The following RIMS1 variants were observed in gnomAD, a reference collection of about 807,000 sequenced individuals.
RIMS1 encodes regulating synaptic membrane exocytosis protein 1.
In RIMS1, 83 loss-of-function variants were observed where a neutral mutation model predicts 214.1. That is an observed-to-expected ratio of 0.39 (90% confidence interval 0.32 to 0.47). The LOEUF (loss-of-function observed/expected upper bound fraction) is 0.47, where lower values mean the gene tolerates loss of function less well. Ranked by LOEUF, RIMS1 falls within the 20% of genes least tolerant of loss-of-function variation. The pLI, the probability that RIMS1 is intolerant of heterozygous loss-of-function variation, is 0.99. For synonymous variants in RIMS1, 793 were observed against 786.8 expected (o/e 1.01, Z -0.13); for missense variants, 2,050 against 2,161.8 (o/e 0.95, Z 1.03).
intron 1 of RIMS1, among the ~76,000 whole-genome samples, chr6:71,890,183 A>T (rs1769187990): frequency 6.6e-6 from 1 of 152,144 alleles, no homozygotes; most frequent in Non-Finnish European, 1.5e-5. Flanking sequence ...AATGGAAAAA[A>T]ATCAAGCTAC....
At chr6:72,019,827 G>A (rs1320953411) in intron 2 of RIMS1, among the ~76,000 whole-genome samples, 1 of 152,058 alleles carries the variant, frequency 6.6e-6, no homozygotes, top group Non-Finnish European at 1.5e-5. Context: ...GTTAATTGTA[G>A]TTTTTTTCCC....
At chr6:72,077,044 C>T (rs1018838759) in intron 2 of RIMS1, among the ~76,000 whole-genome samples, 1 of 152,192 alleles carries the variant, frequency 6.6e-6, no homozygotes, top group African/African-American at 2.4e-5. Context: ...CTCCACTCTG[C>T]CTCGTCTGCC....
intron 1 of RIMS1, among the ~76,000 whole-genome samples, chr6:71,892,539 T>C (rs934866438): frequency 1.3e-5 from 2 of 152,084 alleles, no homozygotes; most frequent in African/African-American, 4.8e-5. Context: ...TGGCCCCAGG[T>C]GACTCTCTAA....
intron 1 of RIMS1, among the ~76,000 whole-genome samples, chr6:71,941,746 G>A (rs141826948): frequency 2.0e-5 from 3 of 152,230 alleles, no homozygotes; most frequent in Non-Finnish European, 4.4e-5. Context: ...AACTTGGCTT[G>A]AATTGTCTGC....
intron 4 of RIMS1, among the ~76,000 whole-genome samples, chr6:72,178,561 T>G (rs9446589): frequency 0.074 from 11,331 of 152,204 alleles, 478 homozygotes; most frequent in Middle Eastern, 0.11. Context: ...GGAGGTAGTT[T>G]CTGAAGTAGA....
chr6:72,037,942 C>A (rs1314698664), intron 2 of RIMS1, among the ~76,000 whole-genome samples: 1 of 150,674 alleles, frequency 6.6e-6, no homozygotes, highest in Non-Finnish European at 1.5e-5. Flanking sequence ...TGAACTGCAC[C>A]TCGAGTTGCT....
At chr6:72,076,352 A>G (rs1831867155) in intron 2 of RIMS1, among the ~76,000 whole-genome samples, 1 of 152,228 alleles carries the variant, frequency 6.6e-6, no homozygotes, top group South Asian at 2.1e-4. Context: ...GCCAAGGGCC[A>G]TCTTCCTGGC....
chr6:72,347,355 G>A (rs541326769), intron 29 of RIMS1, among the ~76,000 whole-genome samples: 1 of 146,234 alleles, frequency 6.8e-6, no homozygotes, highest in African/African-American at 2.4e-5. Context: ...TGGAATGAAA[G>A]AAACTTTTGG....
chr6:72,378,501 ATG>A (rs2098429759), intron 29 of RIMS1, among the ~76,000 whole-genome samples: 1 of 152,182 alleles, frequency 6.6e-6, no homozygotes, highest in South Asian at 2.1e-4. Context: ...AACTTCATAC[ATG>A]TGTGTTTGTT....
chr6:72,386,109 G>A (rs550319500), intron 29 of RIMS1, among the ~76,000 whole-genome samples: 6 of 152,056 alleles, frequency 3.9e-5, no homozygotes, highest in South Asian at 2.1e-4. Context: ...CCTTTACACC[G>A]TGGAAGCTAT....
intron 2 of RIMS1, among the ~76,000 whole-genome samples, 198 bp downstream of exon 2, chr6:71,969,261 A>G (rs965979472): frequency 2.6e-5 from 4 of 152,228 alleles, no homozygotes; most frequent in Admixed American, 2.6e-4. Flanking sequence ...CTAATACCAT[A>G]TTGAAAGGAT....
chr6:72,090,145 A>G (rs1432458150), intron 2 of RIMS1, among the ~76,000 whole-genome samples: 1 of 152,046 alleles, frequency 6.6e-6, no homozygotes, highest in East Asian at 1.9e-4. Context: ...CATTGTGCAC[A>G]TGTACCCTAA....
Position 72,265,384 on chromosome 6 carries a change from G to A in RIMS1, c.3195-6G>A. ...TTTTATTTTTGTGTAATTTTAATTT[G>A]TGGAGCTCAATTCTGCCTGCACATA... On this transcript the variant is annotated splice_region_variant and splice_polypyrimidine_tract_variant and intron_variant, in intron 20 of 33. Coordinates refer to ENST00000521978, the MANE Select transcript of RIMS1 (RefSeq NM_014989.7). The A allele has an allele frequency of 1.4e-6, 2 of 1,458,002 alleles. No homozygotes were observed. The highest frequency in any genetic ancestry group is 1.9e-6 in the Non-Finnish European group (2 of 1,052,016). 90.3% of individuals were successfully genotyped at this position (1,458,002 alleles called of 1,614,324 possible). A position where few individuals can be genotyped will look rare whatever the true frequency, so the allele number is the denominator to read the frequency against.
At chr6:72,326,731 T>C (rs2096484468) in intron 28 of RIMS1, among the ~76,000 whole-genome samples, 1 of 151,766 alleles carries the variant, frequency 6.6e-6, no homozygotes, top group Non-Finnish European at 1.5e-5. Flanking sequence ...GGTTCCTATA[T>C]CATAATCCTC....
intron 4 of RIMS1, among the ~76,000 whole-genome samples, chr6:72,134,729 C>A (rs982031871): frequency 3.9e-5 from 6 of 152,180 alleles, no homozygotes; most frequent in African/African-American, 1.4e-4. Context: ...TTGACTGTCA[C>A]ATTTGATAGT....
rs1449815173 is a variant in RIMS1, at chr6:72,402,542, A to T, written c.*1828A>T. The T allele has an allele frequency of 6.6e-6, 1 of 152,584 alleles. No homozygotes were observed. The highest frequency in any genetic ancestry group is 2.4e-5 in the African/African-American group (1 of 41,434). The allele number at this position is 152,584 out of a possible 1,614,324, so 9.5% of individuals were successfully genotyped here. A position where few individuals can be genotyped will look rare whatever the true frequency, so the allele number is the denominator to read the frequency against. On this transcript the variant is annotated 3_prime_UTR_variant, in exon 34 of 34. Transcript: ENST00000521978. ...ACTGCCTGCACCAAGTGAATTATTT[A>T]TTATTATTTACACATGCCAGAATTA... is the stretch of plus-strand genomic sequence containing the variant.
chr6:71,894,041 T>A (rs1770826095), intron 1 of RIMS1, among the ~76,000 whole-genome samples: 1 of 152,186 alleles, frequency 6.6e-6, no homozygotes, highest in Admixed American at 6.5e-5. Flanking sequence ...CTTCAGAAAA[T>A]CAAGCAATTA....
intron 2 of RIMS1, among the ~76,000 whole-genome samples, chr6:71,982,803 T>G (rs756059585): frequency 7.9e-5 from 12 of 152,160 alleles, no homozygotes; most frequent in Non-Finnish European, 1.2e-4. Context: ...ACTAGTCTAA[T>G]TCATCCCACC....
chr6:72,318,862 T>G (rs531182917), intron 28 of RIMS1, among the ~76,000 whole-genome samples: 17 of 152,308 alleles, frequency 1.1e-4, no homozygotes, highest in Admixed American at 5.2e-4. Flanking sequence ...GACATATGCC[T>G]TTCTTTCTTG....
Sources: gnomAD v4.1 joint callset for allele counts (sites outside exome capture counted in the v4.1 genomes callset) on GRCh38, gnomAD v4.1.1 for gene constraint, MANE v1.5 for transcripts, NCBI Gene and HGNC (gene_info 2026-07-23, HGNC 2026-07-21) for gene names.